The following CWC15 variants were observed in gnomAD, a reference collection of about 807,000 sequenced individuals.
CWC15 encodes the protein spliceosome-associated protein CWC15 homolog.
In CWC15, 12 loss-of-function variants were observed where a neutral mutation model predicts 28.4. The ratio of observed to expected loss-of-function variants is 0.42; its 90% confidence interval spans 0.27 to 0.69. The LOEUF (loss-of-function observed/expected upper bound fraction) is 0.69, where lower values mean the gene tolerates loss of function less well. CWC15 is among the 30% of genes least tolerant of loss of function. CWC15 has a pLI of 0.23. For missense variants in CWC15, 192 were observed against 271.5 expected, an observed-to-expected ratio of 0.71 and a Z score of 2.06; for synonymous variants, 92 against 88.4, an observed-to-expected ratio of 1.04 and a Z score of -0.23.
Position 94,971,436 on chromosome 11 carries a change from T to C in CWC15, c.183A>G (p.Arg61=), listed in dbSNP as rs1407877355. The change falls in exon 3 of 7, where the codon AGA becomes AGG. Residue 61 remains arginine, a synonymous_variant. Transcript: ENST00000279839. Reference sequence around the variant, plus strand: ...CAGCTCTCTCTCTTTCTTCCAACTCTCTCCTGAAGTCACGGTTACGAACCT... The same window carrying C: ...CAGCTCTCTCTCTTTCTTCCAACTCCCTCCTGAAGTCACGGTTACGAACCT... ...PEEVRNRDFR[R]ELEERERAAA... The C allele has an allele frequency of 2.5e-6, 4 of 1,612,826 alleles. No homozygotes were observed. The African/African-American group carries it at 5.3e-5, about 22-fold the overall frequency.
Position 94,963,433 on chromosome 11 carries a change from T to C in CWC15, c.642A>G (p.Thr214=). Residue 214 remains threonine, a synonymous_variant, in exon 7 of 7, where the codon ACA becomes ACG. Transcript: ENST00000279839. ...ACTTTTTGTGAAATTCAGATCGCAG[T>C]GTGTCATTTACAAATCTTTTGTCTT... ...QKKDKRFVND[T]LRSEFHKKFM... is the part of the protein sequence containing the mutation. 6.3e-7 allele frequency: 1 copy of C among 1,583,696 alleles called. No individual in the cohort carries two copies. The highest frequency in any genetic ancestry group is 8.6e-7 in the Non-Finnish European group (1 of 1,162,664).
chr11:94,970,911 T>C (rs1356604800), intron 4 of CWC15, 66 bp downstream of exon 4: 1 of 1,285,256 alleles, frequency 7.8e-7, no homozygotes, highest in Non-Finnish European at 1.1e-6. Flanking sequence ...AGCAAAGACA[T>C]AACAAGTATT....
chr11:94,966,259 AC>A, intron 6 of CWC15, 35 bp downstream of exon 6: 1 of 905,336 alleles, frequency 1.1e-6, no homozygotes, highest in East Asian at 2.7e-5. Context: ...ACACACACAC[AC>A]ACACACACTC....
In CWC15 at chr11:94,971,069, G is replaced by C. The variant is rs782801693; in HGVS notation, c.245-4C>G. 6.2e-7 allele frequency: 1 copy of C among 1,610,866 alleles called. No individual in the cohort carries two copies. Among genetic ancestry groups the C allele is most frequent in the Non-Finnish European group, 8.5e-7 (1 of 1,177,348 alleles). ...ACTGAAGAGGAGGTTGTATGTTCTG[G>C]GGGGAAACAAAAATCATTTAACTTA... On this transcript the variant is annotated splice_region_variant and splice_polypyrimidine_tract_variant and intron_variant, in intron 3 of 6. Coordinates refer to ENST00000279839, the MANE Select transcript of CWC15 (RefSeq NM_016403.4).
chr11:94,966,746 T>G (rs587678153), intron 5 of CWC15, among the ~76,000 whole-genome samples: 1 of 152,244 alleles, frequency 6.6e-6, no homozygotes, highest in East Asian at 1.9e-4. Flanking sequence ...GCTTTAAATT[T>G]TAAGCATATA....
At chr11:94,964,630 T>C (rs1480828687) in intron 6 of CWC15, among the ~76,000 whole-genome samples, 6 of 152,212 alleles carry the variant, frequency 3.9e-5, no homozygotes, top group Non-Finnish European at 5.9e-5. Context: ...CTGACATTAG[T>C]ATTTGTCCTC....
rs1555095262 is a variant in CWC15, at chr11:94,966,291, G to T, written c.560+4C>A. ...CACTCCATTACTCCGTTACTGTATA[G>T]TACCTTCTTTTAACTTTGAAGTTGG... On this transcript the variant is annotated splice_donor_region_variant and intron_variant, in intron 6 of 6. Coordinates refer to ENST00000279839, the MANE Select transcript of CWC15 (RefSeq NM_016403.4). 7.7e-6 allele frequency: 11 copies of T among 1,429,370 alleles called. No homozygotes were observed. In the East Asian group the frequency reaches 2.0e-4, roughly 26 times the overall value. 88.5% of individuals were successfully genotyped at this position (1,429,370 alleles called of 1,614,324 possible). A position where few individuals can be genotyped will look rare whatever the true frequency, so the allele number is the denominator to read the frequency against.
At chr11:94,970,537 C>T (rs1320132873) in intron 4 of CWC15, 1 of 173,330 alleles carries the variant, frequency 5.8e-6, no homozygotes, top group Non-Finnish European at 1.2e-5. Context: ...TAGATTACTT[C>T]CCTCCCTAAG....
rs587726933 is a variant in CWC15, at chr11:94,971,985, A to G, written c.131+70T>C. On this transcript the variant is annotated intron_variant, in intron 2 of 6. Coordinates refer to ENST00000279839, the MANE Select transcript of CWC15 (RefSeq NM_016403.4). ...AGTGACATAACTCAAACATACTACT[A>G]TATCATGACCATGCCATTTAACAGA... The G allele has an allele frequency of 2.9e-5, 40 of 1,371,122 alleles. No individual in the cohort carries two copies. The South Asian group carries it at 5.2e-4, about 18-fold the overall frequency. 84.9% of individuals were successfully genotyped at this position (1,371,122 alleles called of 1,614,324 possible).
intron 5 of CWC15, among the ~76,000 whole-genome samples, chr11:94,968,321 A>G (rs1369650536): frequency 1.3e-5 from 2 of 152,198 alleles, no homozygotes; most frequent in Non-Finnish European, 2.9e-5. Context: ...TGAAAATCTT[A>G]AATTTGGAAC....
chr11:94,970,829 T>C lies in CWC15; in HGVS notation c.333+148A>G, dbSNP rs1857709066. ...ATACTTTTGATTTTAAAATCAACTA[T>C]AAAGTTTAGCACTGAGGTCAGGGCT... On this transcript the variant is annotated intron_variant, in intron 4 of 6. Transcript: ENST00000279839. 18 of 674,874 alleles carry C rather than the reference T, an allele frequency of 2.7e-5. No homozygotes were observed. In the South Asian group the frequency reaches 3.1e-4, roughly 12 times the overall value. The allele number at this position is 674,874 out of a possible 1,614,324, so 41.8% of individuals were successfully genotyped here. A position where few individuals can be genotyped will look rare whatever the true frequency, so the allele number is the denominator to read the frequency against.
At chr11:94,973,128 C>A (rs587758167) in intron 1 of CWC15, 5 of 152,180 alleles carry the variant, frequency 3.3e-5, no homozygotes, top group African/African-American at 1.2e-4. Context: ...GGTTATCTGG[C>A]GCTGGGGGCG....
intron 5 of CWC15, among the ~76,000 whole-genome samples, chr11:94,968,412 A>C (rs1318739889): frequency 6.6e-6 from 1 of 152,246 alleles, no homozygotes; most frequent in African/African-American, 2.4e-5. Flanking sequence ...AACACATTTT[A>C]ATACAGATAT....
intron 6 of CWC15, 24 bp downstream of exon 6, chr11:94,966,271 C>T (rs1565413035): frequency 8.1e-6 from 8 of 992,892 alleles, no homozygotes; most frequent in Middle Eastern, 2.3e-4. Flanking sequence ...ACACACACTC[C>T]ATTACTCCGT....
chr11:94,967,993 G>T (rs1590958596), intron 5 of CWC15, among the ~76,000 whole-genome samples: 1 of 152,144 alleles, frequency 6.6e-6, no homozygotes, highest in Non-Finnish European at 1.5e-5. Context: ...TTCCTTTGGG[G>T]TTACTGAATG....
At chr11:94,965,957 T>C (rs1357623326) in intron 6 of CWC15, among the ~76,000 whole-genome samples, 1 of 152,220 alleles carries the variant, frequency 6.6e-6, no homozygotes, top group Admixed American at 6.5e-5. Context: ...AGAGGCCATC[T>C]TGAGGACCCT....
At chr11:94,966,223 A>G (rs2134099189) in intron 6 of CWC15, 72 bp downstream of exon 6, 1 of 811,644 alleles carries the variant, frequency 1.2e-6, no homozygotes, top group Non-Finnish European at 1.9e-6. Context: ...ACACATACAC[A>G]TATACACACA....
At position 94,966,232 on chromosome 11, in the gene CWC15, C is replaced by A. The variant is rs781988586; in HGVS notation, c.560+63G>T. The A allele has an allele frequency of 7.7e-5, 14 of 182,752 alleles. No homozygotes were observed. The Admixed American group carries it at 9.1e-4, about 12-fold the overall frequency. 11.3% of individuals were successfully genotyped at this position (182,752 alleles called of 1,614,324 possible). A position where few individuals can be genotyped will look rare whatever the true frequency, so the allele number is the denominator to read the frequency against. Reference sequence around the variant, plus strand: ...GTGTATACACATACACATATACACACACACACACACACACACACACACACA... The same window carrying A: ...GTGTATACACATACACATATACACAAACACACACACACACACACACACACA... On this transcript the variant is annotated intron_variant, in intron 6 of 6. Coordinates refer to ENST00000279839, the MANE Select transcript of CWC15 (RefSeq NM_016403.4).
chr11:94,966,263 A>ACACT, intron 6 of CWC15, 32 bp downstream of exon 6: 1 of 1,006,402 alleles, frequency 9.9e-7, no homozygotes, highest in Non-Finnish European at 1.5e-6. Context: ...ACACACACAC[A>ACACT]CACACTCCAT....
Sources: allele counts gnomAD v4.1 joint callset (sites outside exome capture counted in the v4.1 genomes callset), GRCh38; gene constraint gnomAD v4.1.1; transcripts MANE v1.5; gene names NCBI Gene and HGNC (gene_info 2026-07-23, HGNC 2026-07-21).